SORCS1: variants seen among roughly 807,000 people sequenced by gnomAD.
SORCS1 encodes sortilin related VPS10 domain containing receptor 1, also known as VPS10 domain-containing receptor SorCS1.
Under a neutral mutation model 146.1 loss-of-function variants are expected in SORCS1, and 60 were observed. That is an observed-to-expected ratio of 0.41 (90% confidence interval 0.33 to 0.51). The LOEUF (loss-of-function observed/expected upper bound fraction) is 0.51. Among genes scored for constraint, SORCS1 ranks in the 20% least tolerant of loss-of-function variants. SORCS1 has a pLI of 0.21. For synonymous variants in SORCS1, 637 were observed against 584.0 expected (o/e 1.09, Z -1.31); for missense variants, 1,352 against 1,487.6 (o/e 0.91, Z 1.50).
At chr10:106,801,793 G>A (rs1267002149) in intron 3 of SORCS1, among the ~76,000 whole-genome samples, 4 of 152,104 alleles carry the variant, frequency 2.6e-5, no homozygotes, top group African/African-American at 7.2e-5. Context: ...GCCTCCCAAA[G>A]TGCTGGGATT....
At chr10:106,676,652 GTCTC>G (rs1208530166) in intron 13 of SORCS1, among the ~76,000 whole-genome samples, 1 of 152,010 alleles carries the variant, frequency 6.6e-6, no homozygotes, top group Admixed American at 6.6e-5. Context: ...CTCTGTCTGT[GTCTC>G]TCTCTCTTTC....
chr10:107,128,726 G>A (rs891390644), intron 1 of SORCS1, among the ~76,000 whole-genome samples: 5 of 152,142 alleles, frequency 3.3e-5, no homozygotes, highest in Non-Finnish European at 5.9e-5. Context: ...TTATCGTGGA[G>A]ATGGAGCACT....
At chr10:106,737,586 G>T (rs979276446) in intron 5 of SORCS1, among the ~76,000 whole-genome samples, 1 of 152,066 alleles carries the variant, frequency 6.6e-6, no homozygotes, top group Non-Finnish European at 1.5e-5. Context: ...TTAGCCAGGC[G>T]TGGTGGCACA....
chr10:107,025,141 G>C (rs1445960837), intron 1 of SORCS1, among the ~76,000 whole-genome samples: 1 of 152,110 alleles, frequency 6.6e-6, no homozygotes, highest in Non-Finnish European at 1.5e-5. Context: ...AAAATGAAAG[G>C]CACAGTCTTA....
At chr10:106,993,066 G>A (rs12268681) in intron 1 of SORCS1, among the ~76,000 whole-genome samples, 7 of 151,932 alleles carry the variant, frequency 4.6e-5, no homozygotes, top group African/African-American at 9.7e-5. Context: ...TCCTGACCTC[G>A]TGATCTGCCG....
chr10:106,821,693 G>C (rs1246433087), intron 3 of SORCS1, among the ~76,000 whole-genome samples: 4 of 152,088 alleles, frequency 2.6e-5, no homozygotes, highest in African/African-American at 9.7e-5. Flanking sequence ...AGGCCGAGGC[G>C]GGCGGATCCC....
At chr10:107,124,135 G>A (rs1007463266) in intron 1 of SORCS1, among the ~76,000 whole-genome samples, 3 of 151,984 alleles carry the variant, frequency 2.0e-5, no homozygotes, top group African/African-American at 7.2e-5. Flanking sequence ...AACTGTGAAG[G>A]TTAGAGTGAG....
intron 5 of SORCS1, among the ~76,000 whole-genome samples, chr10:106,759,813 T>C (rs1858937362): frequency 6.6e-6 from 1 of 152,198 alleles, no homozygotes. Flanking sequence ...ATATAGTTTA[T>C]GTTTTGCATT....
chr10:107,001,402 C>T (rs984497803), intron 1 of SORCS1, among the ~76,000 whole-genome samples: 5 of 152,038 alleles, frequency 3.3e-5, no homozygotes, highest in Non-Finnish European at 7.3e-5. Context: ...AGAGGGGGGT[C>T]AAGTTTGCTG....
At position 106,620,528 on chromosome 10, in the gene SORCS1, A is replaced by G. The variant is rs1158479787; in HGVS notation, c.2696T>C (p.Phe899Ser). The G allele has an allele frequency of 3.1e-6, 5 of 1,614,034 alleles. No individual in the cohort carries two copies. The South Asian group carries it at 4.4e-5, about 14-fold the overall frequency. ...PLEHVHLSLP[F>S]VTTKNKEVNA... The stretch of plus-strand genomic sequence containing the variant: ...GACCTCTTTGTTCTTTGTGGTGACA[A>G]AGGGAAGAGACAGGTGCACGTGCTC... Residue 899 changes from phenylalanine to serine, a missense_variant, in exon 20 of 26, where the codon TTT becomes TCT. Physicochemically the swap from Phe to Ser is radical, Grantham distance 155. This residue lies in a region of SORCS1 where 648 missense variants were observed against 793.8 expected (regional missense o/e 0.82). Coordinates refer to ENST00000263054, the MANE Select transcript of SORCS1 (RefSeq NM_052918.5).
At position 107,067,148 on chromosome 10, in the gene SORCS1, C is replaced by T. The variant is rs550160624; in HGVS notation, c.558+96821G>A. Among the ~76,000 whole-genome samples the T allele has an allele frequency of 7.4e-4, 113 of 152,178 alleles. 1 individual carries two copies. Among genetic ancestry groups the T allele is most frequent in the Non-Finnish European group, 1.3e-3 (88 of 68,034 alleles). ...GATTTCAGCTGTGGGATTTTGATGT[C>T]ATTTTTCCTGAGTTCTGGCATTCAT... On this transcript the variant is annotated intron_variant, in intron 1 of 25. Transcript: ENST00000263054.
At chr10:107,044,506 A>G (rs1295490962) in intron 1 of SORCS1, among the ~76,000 whole-genome samples, 1 of 126,426 alleles carries the variant, frequency 7.9e-6, no homozygotes, top group Non-Finnish European at 1.7e-5. Context: ...GTTTCATTCT[A>G]ATTTGTAAAA....
chr10:106,715,754 T>G (rs1458674577), intron 6 of SORCS1, among the ~76,000 whole-genome samples: 2 of 152,120 alleles, frequency 1.3e-5, no homozygotes, highest in Non-Finnish European at 2.9e-5. Context: ...CTGAGGCAGC[T>G]TCTTTCTTTT....
At chr10:107,169,442 C>T (rs558626145), upstream of SORCS1, among the ~76,000 whole-genome samples, 75 of 152,150 alleles carry the variant, frequency 4.9e-4, no homozygotes, top group Non-Finnish European at 9.9e-4. Context: ...TAATTGTACC[C>T]GTTCTCATAC....
rs989994051 is a variant in SORCS1, at chr10:106,983,353, G to GAT, written c.559-26775_559-26774dup. Among the ~76,000 whole-genome samples the GAT allele has an allele frequency of 2.1e-3, 314 of 150,968 alleles. 4 individuals are homozygous for GAT. The highest frequency in any genetic ancestry group is 7.1e-3 in the African/African-American group (293 of 41,202). On this transcript the variant is annotated intron_variant, in intron 1 of 25. Coordinates refer to ENST00000263054, the MANE Select transcript of SORCS1 (RefSeq NM_052918.5). The stretch of plus-strand genomic sequence containing the variant: ...GTAAATTTAAAACTGATAATATTCT[G>GAT]ATATATATATAGTTGCTTGTATTAT...
chr10:106,673,213 C>T (rs1851742877), intron 14 of SORCS1, among the ~76,000 whole-genome samples: 1 of 150,448 alleles, frequency 6.6e-6, no homozygotes. Flanking sequence ...CTCACTACAA[C>T]CCCTGACTCC....
At chr10:106,957,026 G>A (rs2149197) in intron 1 of SORCS1, among the ~76,000 whole-genome samples, 2 of 151,960 alleles carry the variant, frequency 1.3e-5, no homozygotes, top group African/African-American at 2.4e-5. Flanking sequence ...AGACAGCAAA[G>A]AATTATTTGA....
intron 1 of SORCS1, among the ~76,000 whole-genome samples, chr10:107,022,415 G>T (rs1304945022): frequency 1.3e-5 from 2 of 152,050 alleles, no homozygotes; most frequent in African/African-American, 2.4e-5. Flanking sequence ...CAGAATTTCC[G>T]AATGTTAGCT....
At chr10:106,690,372 G>A (rs1388622454) in intron 9 of SORCS1, among the ~76,000 whole-genome samples, 2 of 152,208 alleles carry the variant, frequency 1.3e-5, no homozygotes, top group African/African-American at 2.4e-5. Flanking sequence ...ACACTCTAAA[G>A]GGTGACAATA....
Sources: allele counts gnomAD v4.1 joint callset (sites outside exome capture counted in the v4.1 genomes callset), GRCh38; gene constraint gnomAD v4.1.1; regional missense constraint gnomAD v4.1.1; transcripts MANE v1.5; gene names NCBI Gene and HGNC (gene_info 2026-07-23, HGNC 2026-07-21).